The following RNLS variants were observed in gnomAD, a reference collection of about 807,000 sequenced individuals.
The protein encoded by RNLS is renalase, FAD dependent amine oxidase, also known as renalase.
In RNLS, 39 loss-of-function variants were observed where a neutral mutation model predicts 39.8. The observed-to-expected ratio is 0.98, with a 90% confidence interval of 0.76 to 1.28. RNLS has a LOEUF of 1.28. RNLS is among the 50% of genes most tolerant of loss of function. The pLI is 0.00. For synonymous variants in RNLS, 147 were observed against 150.7 expected (o/e 0.98, Z 0.18); for missense variants, 410 against 413.3 (o/e 0.99, Z 0.07).
At chr10:88,349,747 T>A (rs1327024396) in intron 5 of RNLS, among the ~76,000 whole-genome samples, 1 of 151,780 alleles carries the variant, frequency 6.6e-6, no homozygotes, top group African/African-American at 2.4e-5. Flanking sequence ...TAAGTACATA[T>A]ATACATTGTG....
the RNLS span, among the ~76,000 whole-genome samples, chr10:88,182,965 T>G: frequency 6.6e-6 from 1 of 152,094 alleles, no homozygotes; most frequent in African/African-American, 2.4e-5. Context: ...TGTGTTTTTT[T>G]GGGGAAATTT....
chr10:88,583,132 A>T lies in RNLS; in HGVS notation c.59T>A (p.Leu20Gln). The change falls in exon 1 of 7, where the codon CTG becomes CAG. Residue 20 changes from leucine to glutamine, a missense_variant. Physicochemically the swap from Leu to Gln is moderately radical, Grantham distance 113. Coordinates refer to ENST00000331772, the MANE Select transcript of RNLS (RefSeq NM_001031709.3). ...GMTGSLCAAL[L>Q]RRQTSGPLYL... ...CAAGGGACCGGACGTCTGCCTCCTCAGCAGCGCAGCGCACAAGCTTCCTGT... is the reference window on the plus strand; with the variant it reads ...CAAGGGACCGGACGTCTGCCTCCTCTGCAGCGCAGCGCACAAGCTTCCTGT... The T allele has an allele frequency of 6.2e-7, 1 of 1,614,114 alleles. No homozygotes were observed. Among genetic ancestry groups the T allele is most frequent in the South Asian group, 1.1e-5 (1 of 91,078 alleles).
rs746402560 is a variant in RNLS at position 88,314,467 on chromosome 10, T to C, written c.875A>G (p.Gln292Arg). 6.2e-7 allele frequency: 1 copy of C among 1,613,578 alleles called. No homozygotes were observed. The highest frequency in any genetic ancestry group is 1.3e-5 in the African/African-American group (1 of 74,940). The change falls in exon 6 of 7, where the codon CAG becomes CGG. Residue 292 changes from glutamine to arginine, a missense_variant and splice_region_variant. Transcript: ENST00000331772. ...ATKCQKWRHS[Q>R]VTNAAANCPG... ...TAGACCACTGGATTCTTTGATTACC[T>C]GTGAATGTCTCCATTTTTGGCATTT... is the stretch of plus-strand genomic sequence containing the variant.
the RNLS span, among the ~76,000 whole-genome samples, chr10:88,176,409 C>T: frequency 2.0e-5 from 3 of 152,250 alleles, no homozygotes; most frequent in African/African-American, 7.2e-5. Flanking sequence ...CTTCTGACCT[C>T]ATGATCCACC....
At chr10:88,554,366 G>A in intron 4 of RNLS, among the ~76,000 whole-genome samples, 1 of 152,038 alleles carries the variant, frequency 6.6e-6, no homozygotes, top group Non-Finnish European at 1.5e-5. Context: ...AATATTTAAA[G>A]TATGTAATGT....
chr10:88,257,851 G>T, the RNLS span, among the ~76,000 whole-genome samples: 2 of 152,110 alleles, frequency 1.3e-5, no homozygotes, highest in Non-Finnish European at 2.9e-5. Flanking sequence ...GACTATAAAT[G>T]ACTTTGGGAG....
At chr10:88,247,377 G>C in the RNLS span, among the ~76,000 whole-genome samples, 7,285 of 152,246 alleles carry the variant, frequency 0.048, 250 homozygotes, top group East Asian at 0.13. Context: ...GGGTTGAGCA[G>C]AGGGAACAAC....
intron 4 of RNLS, among the ~76,000 whole-genome samples, chr10:88,477,281 C>T (rs12221100): frequency 1.4e-4 from 22 of 151,838 alleles, no homozygotes; most frequent in Admixed American, 1.0e-3. Flanking sequence ...GAAAAACTGA[C>T]GAAGGAACAA....
chr10:88,226,134 A>G, the RNLS span, among the ~76,000 whole-genome samples: 3 of 152,242 alleles, frequency 2.0e-5, no homozygotes, highest in Non-Finnish European at 4.4e-5. Context: ...GCTTAAAGGC[A>G]AAGAAACTGA....
intron 4 of RNLS, among the ~76,000 whole-genome samples, chr10:88,371,818 C>T (rs1339730261): frequency 2.0e-5 from 3 of 152,068 alleles, no homozygotes; most frequent in Non-Finnish European, 2.9e-5. Flanking sequence ...TTGAATACAC[C>T]GTCTAACAGG....
intron 3 of RNLS, among the ~76,000 whole-genome samples, chr10:88,576,534 G>T (rs904176381): frequency 1.3e-5 from 2 of 152,156 alleles, no homozygotes; most frequent in African/African-American, 4.8e-5. Flanking sequence ...GAAGTGATGT[G>T]AACCATCTCT....
At chr10:88,568,651 G>T (rs558365878) in intron 4 of RNLS, among the ~76,000 whole-genome samples, 1 of 151,976 alleles carries the variant, frequency 6.6e-6, no homozygotes, top group African/African-American at 2.4e-5. Flanking sequence ...ATGAGATGTC[G>T]CATGGGTTCA....
intron 4 of RNLS, among the ~76,000 whole-genome samples, chr10:88,526,384 T>C (rs764396958): frequency 2.0e-5 from 3 of 151,956 alleles, no homozygotes; most frequent in Non-Finnish European, 2.9e-5. Flanking sequence ...CCTTATTTCC[T>C]ACTAAAATGA....
chr10:88,198,270 C>T, the RNLS span, among the ~76,000 whole-genome samples: 2 of 152,194 alleles, frequency 1.3e-5, no homozygotes, highest in Admixed American at 6.5e-5. Context: ...GAGAGCAGAG[C>T]ATAGGCTCGT....
chr10:88,243,755 T>C, the RNLS span, among the ~76,000 whole-genome samples: 1 of 152,224 alleles, frequency 6.6e-6, no homozygotes, highest in Non-Finnish European at 1.5e-5. Flanking sequence ...AACGGACACT[T>C]CACTTTGCTG....
At chr10:88,516,787 G>A (rs1589938836) in intron 4 of RNLS, among the ~76,000 whole-genome samples, 1 of 151,924 alleles carries the variant, frequency 6.6e-6, no homozygotes, top group African/African-American at 2.4e-5. Context: ...GAGTGCTTTT[G>A]TAGTCATATG....
intron 4 of RNLS, among the ~76,000 whole-genome samples, chr10:88,450,817 A>C (rs548382749): frequency 6.6e-6 from 1 of 152,370 alleles, no homozygotes; most frequent in Non-Finnish European, 1.5e-5. Context: ...TTTAGTTAAA[A>C]ATAATTAAAG....
At chr10:88,448,028 A>C (rs753576890) in intron 4 of RNLS, among the ~76,000 whole-genome samples, 2 of 152,222 alleles carry the variant, frequency 1.3e-5, no homozygotes, top group African/African-American at 2.4e-5. Context: ...TAAAGACTTA[A>C]ATGTTAGACC....
At chr10:88,406,059 C>G (rs1467882031) in intron 4 of RNLS, among the ~76,000 whole-genome samples, 3 of 152,216 alleles carry the variant, frequency 2.0e-5, no homozygotes, top group Non-Finnish European at 4.4e-5. Context: ...GCCCCAATCC[C>G]TTCTAGCTTG....
Sources: allele counts gnomAD v4.1 joint callset (sites outside exome capture counted in the v4.1 genomes callset), GRCh38; gene constraint gnomAD v4.1.1; transcripts MANE v1.5; gene names NCBI Gene and HGNC (gene_info 2026-07-23, HGNC 2026-07-21).